The following PEX14 variants were observed in gnomAD, a reference collection of about 807,000 sequenced individuals.
PEX14 encodes the protein peroxisomal membrane protein PEX14.
PEX14 carries 15 observed loss-of-function variants against 49.5 expected under a neutral mutation model. The observed-to-expected ratio is 0.30, with a 90% CI of 0.20 to 0.47. The LOEUF (loss-of-function observed/expected upper bound fraction) is 0.47, where lower values mean the gene tolerates loss of function less well. Among genes scored for constraint, PEX14 ranks in the 20% least tolerant of loss-of-function variants. The probability of loss-of-function intolerance (pLI) is 1.00; values close to 1 mark genes in which losing one functional copy is unlikely to be tolerated. For missense variants in PEX14, 398 were observed against 494.8 expected, an observed-to-expected ratio of 0.80 and a Z score of 1.86; for synonymous variants, 210 against 212.7, an observed-to-expected ratio of 0.99 and a Z score of 0.11.
intron 3 of PEX14, among the ~76,000 whole-genome samples, chr1:10,553,090 T>C (rs1481108593): frequency 2.0e-5 from 3 of 152,168 alleles, no homozygotes; most frequent in African/African-American, 7.2e-5. Flanking sequence ...ATAATAAGTT[T>C]CATGCTAGCG....
In PEX14 at chr1:10,513,778, C is replaced by T. The variant is rs567679071; in HGVS notation, c.84+18457C>T. 9.9e-5 allele frequency among the ~76,000 whole-genome samples: 15 copies of T among 152,218 alleles called. No individual in the cohort carries two copies. In the East Asian group the frequency reaches 1.5e-3, roughly 16 times the overall value. Reference sequence around the variant, plus strand: ...GCTGCTATATTGATTGCTATAGGGACGTTTCTATTTTCACTGGCTGCTATA... The same window carrying T: ...GCTGCTATATTGATTGCTATAGGGATGTTTCTATTTTCACTGGCTGCTATA... On this transcript the variant is annotated intron_variant, in intron 2 of 8. Transcript: ENST00000356607.
chr1:10,624,002 C>T (rs1324755913), intron 6 of PEX14, among the ~76,000 whole-genome samples: 4 of 152,170 alleles, frequency 2.6e-5, no homozygotes, highest in African/African-American at 9.7e-5. Flanking sequence ...CACAAGGACA[C>T]TGAGGCCCAG....
At chr1:10,527,257 C>T (rs1163295632) in intron 2 of PEX14, among the ~76,000 whole-genome samples, 5 of 147,912 alleles carry the variant, frequency 3.4e-5, no homozygotes, top group African/African-American at 1.2e-4. Flanking sequence ...TGGTGGCTCA[C>T]GCCTGTAATC....
At chr1:10,568,328 C>CG (rs1639871608) in intron 3 of PEX14, among the ~76,000 whole-genome samples, 2 of 129,072 alleles carry the variant, frequency 1.5e-5, no homozygotes, top group African/African-American at 6.2e-5. Flanking sequence ...ACTCTTCCCC[C>CG]CCCCCCCCCC....
At chr1:10,507,655 G>A (rs1641807528) in intron 2 of PEX14, among the ~76,000 whole-genome samples, 1 of 152,178 alleles carries the variant, frequency 6.6e-6, no homozygotes, top group African/African-American at 2.4e-5. Context: ...TCTTGCTGGC[G>A]GGGAGAAGGT....
At chr1:10,615,292 C>T (rs142000960) in intron 4 of PEX14, among the ~76,000 whole-genome samples, 5 of 152,240 alleles carry the variant, frequency 3.3e-5, no homozygotes, top group Admixed American at 1.3e-4. Context: ...TCACAGACAG[C>T]GGGCTAATAT....
intron 2 of PEX14, among the ~76,000 whole-genome samples, chr1:10,526,491 G>A (rs1202705310): frequency 6.6e-6 from 1 of 152,024 alleles, no homozygotes; most frequent in Non-Finnish European, 1.5e-5. Flanking sequence ...AGTGCAATTT[G>A]AAGATTTTTA....
At chr1:10,535,898 C>T (rs1288691513) in intron 2 of PEX14, 1 of 385,832 alleles carries the variant, frequency 2.6e-6, no homozygotes, top group African/African-American at 2.1e-5. Flanking sequence ...CATGGGTGCG[C>T]ATGGCCACAC....
At chr1:10,572,680 G>GCC (rs35066108) in intron 3 of PEX14, among the ~76,000 whole-genome samples, 3 of 151,288 alleles carry the variant, frequency 2.0e-5, no homozygotes, top group Admixed American at 6.6e-5. Context: ...GACTATAGGC[G>GCC]CCCCCCCCAC....
intron 3 of PEX14, among the ~76,000 whole-genome samples, chr1:10,588,344 A>G (rs968825556): frequency 1.1e-4 from 16 of 152,094 alleles, no homozygotes; most frequent in Non-Finnish European, 2.1e-4. Flanking sequence ...GCCCAGCTAC[A>G]TGTATGCTTT....
intron 3 of PEX14, among the ~76,000 whole-genome samples, chr1:10,542,107 A>G (rs1639034236): frequency 6.6e-6 from 1 of 152,210 alleles, no homozygotes; most frequent in Non-Finnish European, 1.5e-5. Flanking sequence ...TACTTTTTGA[A>G]AAGGTAAGGC....
chr1:10,521,820 C>A (rs1638302818), intron 2 of PEX14, among the ~76,000 whole-genome samples: 1 of 152,140 alleles, frequency 6.6e-6, no homozygotes, highest in Non-Finnish European at 1.5e-5. Context: ...CATTTGTAGT[C>A]TTTAGATGTT....
rs143048643 is a variant in PEX14, at chr1:10,504,112, A to G, written c.84+8791A>G. 2.7e-3 allele frequency among the ~76,000 whole-genome samples: 406 copies of G among 152,348 alleles called. 6 individuals are homozygous for G. Among genetic ancestry groups the G allele is most frequent in the African/African-American group, 9.3e-3 (388 of 41,590 alleles). ...CAGAATGATTTTTGGCTCAAAAAAT[A>G]TGATCTTGTAGTTAGTCCCACTTCT... On this transcript the variant is annotated intron_variant, in intron 2 of 8. Transcript: ENST00000356607.
At chr1:10,605,393 C>T (rs770606669) in intron 4 of PEX14, among the ~76,000 whole-genome samples, 16 of 152,330 alleles carry the variant, frequency 1.1e-4, no homozygotes, top group South Asian at 2.1e-4. Flanking sequence ...GACCATCCCA[C>T]GTCACCTTGC....
At chr1:10,577,134 G>A (rs1166024354) in intron 3 of PEX14, among the ~76,000 whole-genome samples, 1 of 151,576 alleles carries the variant, frequency 6.6e-6, no homozygotes. Context: ...GAGGCCGAGC[G>A]CAGTGGCTCA....
chr1:10,582,459 A>G (rs1443744532), intron 3 of PEX14, among the ~76,000 whole-genome samples: 4 of 152,188 alleles, frequency 2.6e-5, no homozygotes, highest in African/African-American at 9.6e-5. Context: ...ATGTTTGACA[A>G]CCAGAGGAGT....
intron 3 of PEX14, among the ~76,000 whole-genome samples, chr1:10,567,834 T>G (rs1445946121): frequency 6.6e-6 from 1 of 152,164 alleles, no homozygotes; most frequent in Non-Finnish European, 1.5e-5. Context: ...TCTCACTATG[T>G]TGCCCAGGCT....
At position 10,514,128 on chromosome 1, in the gene PEX14, GA is replaced by G. The variant is rs3215946; in HGVS notation, c.84+18813del. Reference sequence around the variant, plus strand: ...AGAAAAGAAGGAAATAGAAAAAAAGGAAAAAATGTATAAAATAATCTATGCC... The same window carrying G: ...AGAAAAGAAGGAAATAGAAAAAAAGGAAAAATGTATAAAATAATCTATGCC... On this transcript the variant is annotated intron_variant, in intron 2 of 8. Transcript: ENST00000356607. This position sits in a 1 kb window ranked among gnomAD's most constrained non-coding sequence, Gnocchi z 4.4. 0.54 allele frequency among the ~76,000 whole-genome samples: 81,265 copies of G among 150,522 alleles called. 22,008 individuals carry two copies. The highest frequency in any genetic ancestry group is 0.62 in the East Asian group (3,178 of 5,088).
In PEX14 at chr1:10,529,277, C is replaced by T. The variant is rs142388426; in HGVS notation, c.85-6936C>T. On this transcript the variant is annotated intron_variant, in intron 2 of 8. Coordinates refer to ENST00000356607, the MANE Select transcript of PEX14 (RefSeq NM_004565.3). This position sits in a 1 kb window ranked among gnomAD's most constrained non-coding sequence, Gnocchi z 4.2. ...GTGTACTCCACAGCTCCTTCTGTGG[C>T]GTGGTGACCGTCACCCGCTGCATCA... Among the ~76,000 whole-genome samples, 31 of 152,354 alleles carry T rather than the reference C, an allele frequency of 2.0e-4. No homozygotes were observed. Among genetic ancestry groups the T allele is most frequent in the African/African-American group, 6.7e-4 (28 of 41,588 alleles).
Sources: gnomAD v4.1 joint callset for allele counts (sites outside exome capture counted in the v4.1 genomes callset) on GRCh38, gnomAD v4.1.1 for gene constraint, Gnocchi (gnomAD v3.1) non-coding constraint, MANE v1.5 for transcripts, NCBI Gene and HGNC (gene_info 2026-07-23, HGNC 2026-07-21) for gene names.